Variants in SORL1-AS1 observed in about 807,000 individuals in gnomAD.
SORL1-AS1 encodes the protein lncRNA 51 A.
chr11:121,446,640 ACT>A (rs1342275166), downstream of SORL1-AS1, among the ~76,000 whole-genome samples: 1 of 151,928 alleles, frequency 6.6e-6, no homozygotes, highest in African/African-American at 2.4e-5. Flanking sequence ...AATCCCAGCT[ACT>A]CGGGAGGCTG....
At chr11:121,440,309 G>A in the SORL1-AS1 span, among the ~76,000 whole-genome samples, 3 of 152,232 alleles carry the variant, frequency 2.0e-5, no homozygotes, top group South Asian at 4.1e-4. Flanking sequence ...CGGAGGCGGA[G>A]GTTACGGTGA....
chr11:121,450,956 A>G lies in SORL1-AS1; in HGVS notation n.340-1057T>C, dbSNP rs1205996979. Among the ~76,000 whole-genome samples, 2 of 152,212 alleles carry G rather than the reference A, an allele frequency of 1.3e-5. No homozygotes were observed. The highest frequency in any genetic ancestry group is 1.3e-4 in the Admixed American group (2 of 15,288). ...CAGGTTGTCAGTGGTAGTCCTAGGTAGAGGAGGGGGCTTTGCTAAGCTACC... is the reference window on the plus strand; with the variant it reads ...CAGGTTGTCAGTGGTAGTCCTAGGTGGAGGAGGGGGCTTTGCTAAGCTACC... On this transcript the variant is annotated intron_variant and non_coding_transcript_variant, in intron 1 of 1. Transcript: ENST00000501964. The surrounding 1 kb of genome is among the most constrained non-coding windows in gnomAD (Gnocchi z 5.2).
At chr11:121,444,716 CA>C (rs1860703033), downstream of SORL1-AS1, among the ~76,000 whole-genome samples, 1 of 152,098 alleles carries the variant, frequency 6.6e-6, no homozygotes, top group Admixed American at 6.5e-5. Context: ...GGGAGGCATC[CA>C]AGACAGATGG....
downstream of SORL1-AS1, among the ~76,000 whole-genome samples, chr11:121,444,514 C>A (rs892652813): frequency 6.6e-6 from 1 of 152,204 alleles, no homozygotes; most frequent in Non-Finnish European, 1.5e-5. Flanking sequence ...GGGCTTCTGA[C>A]GTCACGCCTC....
downstream of SORL1-AS1, among the ~76,000 whole-genome samples, chr11:121,442,684 T>C (rs1397554643): frequency 1.4e-5 from 2 of 147,336 alleles, no homozygotes; most frequent in Admixed American, 6.7e-5. Context: ...TTTATTTATT[T>C]ATTTATTTTT....
chr11:121,448,250 T>C (rs1434355648), exon 2 of SORL1-AS1: 1 of 152,268 alleles, frequency 6.6e-6, no homozygotes, highest in Non-Finnish European at 1.5e-5. Context: ...GGATTTAATT[T>C]AATCAAGAGT....
At chr11:121,442,670 TTTATTTATTTATTTATTTA>T (rs1860671251), downstream of SORL1-AS1, among the ~76,000 whole-genome samples, 1 of 136,338 alleles carries the variant, frequency 7.3e-6, no homozygotes, top group Non-Finnish European at 1.5e-5. Flanking sequence ...TATTTATTTA[TTTATTTATTTATTTATTTA>T]TTTTTTTGAG....
Position 121,452,503 on chromosome 11 carries a change from C to G in SORL1-AS1, n.339+172G>C. ...CGTGGTGCAGGGCGACCCGCGCGAG[C>G]TGCGGCTGTGGGCGCGCGGGGATGC... is the stretch of plus-strand genomic sequence containing the variant. On this transcript the variant is annotated intron_variant and non_coding_transcript_variant, in intron 1 of 1. Coordinates refer to ENST00000501964, the Ensembl canonical transcript of SORL1-AS1. This position sits in a 1 kb window ranked among gnomAD's most constrained non-coding sequence, Gnocchi z 5.3. The G allele has an allele frequency of 6.8e-7, 1 of 1,479,968 alleles. No homozygotes were observed. Among genetic ancestry groups the G allele is most frequent in the South Asian group, 1.3e-5 (1 of 77,778 alleles). 91.7% of individuals were successfully genotyped at this position (1,479,968 alleles called of 1,614,324 possible). A position where few individuals can be genotyped will look rare whatever the true frequency, so the allele number is the denominator to read the frequency against.
In SORL1-AS1 at chr11:121,452,610, C is replaced by T. The variant is rs1342550233; in HGVS notation, n.339+65G>A. 8 of 1,496,926 alleles carry T rather than the reference C, an allele frequency of 5.3e-6. No homozygotes were observed. The highest frequency in any genetic ancestry group is 7.1e-6 in the Non-Finnish European group (8 of 1,129,050). 92.7% of individuals were successfully genotyped at this position (1,496,926 alleles called of 1,614,324 possible). On this transcript the variant is annotated intron_variant and non_coding_transcript_variant, in intron 1 of 1. Coordinates refer to ENST00000501964, the Ensembl canonical transcript of SORL1-AS1. This position sits in a 1 kb window ranked among gnomAD's most constrained non-coding sequence, Gnocchi z 5.3. Reference sequence around the variant, plus strand: ...TGCAGCCCGAGCCCATCAAGGTGTACGGACAGGTGAGCAGTTTTGCAACCC... The same window carrying T: ...TGCAGCCCGAGCCCATCAAGGTGTATGGACAGGTGAGCAGTTTTGCAACCC...
At chr11:121,445,014 A>G (rs1450777881), downstream of SORL1-AS1, among the ~76,000 whole-genome samples, 2 of 152,200 alleles carry the variant, frequency 1.3e-5, no homozygotes. Context: ...GTCTGTTGGT[A>G]TGATCCAAAC....
In SORL1-AS1 at chr11:121,452,566, A is replaced by C; in HGVS notation, n.339+109T>G. The C allele has an allele frequency of 6.6e-7, 1 of 1,518,444 alleles. No individual in the cohort carries two copies. Among genetic ancestry groups the C allele is most frequent in the Non-Finnish European group, 8.8e-7 (1 of 1,140,774 alleles). 94.1% of individuals were successfully genotyped at this position (1,518,444 alleles called of 1,614,324 possible). Reference sequence around the variant, plus strand: ...CCGCGCGGACGAGAAGCCGCTCCGGAGGAAACGGAGCGCTGCCCTGCAGCC... The same window carrying C: ...CCGCGCGGACGAGAAGCCGCTCCGGCGGAAACGGAGCGCTGCCCTGCAGCC... On this transcript the variant is annotated intron_variant and non_coding_transcript_variant, in intron 1 of 1. Transcript: ENST00000501964. This position sits in a 1 kb window ranked among gnomAD's most constrained non-coding sequence, Gnocchi z 5.3.
chr11:121,438,794 G>A, the SORL1-AS1 span, among the ~76,000 whole-genome samples: 3 of 152,290 alleles, frequency 2.0e-5, no homozygotes, highest in South Asian at 6.2e-4. Flanking sequence ...TTGGGAGGCC[G>A]AGGCAGGCGG....
chr11:121,452,421 C>T lies in SORL1-AS1; in HGVS notation n.339+254G>A. The T allele has an allele frequency of 6.6e-7, 1 of 1,519,194 alleles. No homozygotes were observed. 94.1% of individuals were successfully genotyped at this position (1,519,194 alleles called of 1,614,324 possible). On this transcript the variant is annotated intron_variant and non_coding_transcript_variant, in intron 1 of 1. Coordinates refer to ENST00000501964, the Ensembl canonical transcript of SORL1-AS1. The surrounding 1 kb of genome is among the most constrained non-coding windows in gnomAD (Gnocchi z 5.3). The stretch of plus-strand genomic sequence containing the variant: ...TGCCGCCCGGAGCTCTCTGCGAAGT[C>T]TGGACGCAGAGGCTGCACGGCGGCA...
chr11:121,442,400 C>T (rs540839936), downstream of SORL1-AS1, among the ~76,000 whole-genome samples: 75 of 152,172 alleles, frequency 4.9e-4, no homozygotes, highest in African/African-American at 1.7e-3. Context: ...TTTGGAAAGC[C>T]GAGGTGGGTG....
downstream of SORL1-AS1, among the ~76,000 whole-genome samples, chr11:121,443,130 C>A (rs1023786714): frequency 2.5e-4 from 38 of 152,094 alleles, no homozygotes; most frequent in Non-Finnish European, 1.6e-4. Flanking sequence ...TAATGACAGC[C>A]CGTTTCTAAT....
At chr11:121,447,327 T>C (rs1231148519), downstream of SORL1-AS1, 4 of 153,944 alleles carry the variant, frequency 2.6e-5, no homozygotes, top group Non-Finnish European at 4.3e-5. Context: ...TTTTTTTTTT[T>C]TTTGAGACAG....
chr11:121,447,528 G>C (rs1355736415), exon 2 of SORL1-AS1: 1 of 152,012 alleles, frequency 6.6e-6, no homozygotes, highest in Non-Finnish European at 1.5e-5. Flanking sequence ...GCCCAGGCTG[G>C]TCTTGAACTC....
rs556756459 is a variant in SORL1-AS1 at position 121,452,532 on chromosome 11, G to C, written n.339+143C>G. 2.7e-4 allele frequency: 407 copies of C among 1,488,326 alleles called. No homozygotes were observed. The highest frequency in any genetic ancestry group is 3.2e-4 in the Non-Finnish European group (359 of 1,124,636). 92.2% of individuals were successfully genotyped at this position (1,488,326 alleles called of 1,614,324 possible). ...GGCTGTGGGCGCGCGGGGATGCCAG[G>C]GGGGCGAGCCGCGCGGACGAGAAGC... On this transcript the variant is annotated intron_variant and non_coding_transcript_variant, in intron 1 of 1. Coordinates refer to ENST00000501964, the Ensembl canonical transcript of SORL1-AS1. This position sits in a 1 kb window ranked among gnomAD's most constrained non-coding sequence, Gnocchi z 5.3.
In SORL1-AS1 at chr11:121,452,336, C is replaced by A. The variant is rs1241508891; in HGVS notation, n.339+339G>T. ...TGCAGTAGCGTTCGCCCGAACATGGCGACACGGAGCAGCAGGAGGGAGTCG... is the reference window on the plus strand; with the variant it reads ...TGCAGTAGCGTTCGCCCGAACATGGAGACACGGAGCAGCAGGAGGGAGTCG... On this transcript the variant is annotated intron_variant and non_coding_transcript_variant, in intron 1 of 1. Coordinates refer to ENST00000501964, the Ensembl canonical transcript of SORL1-AS1. This position sits in a 1 kb window ranked among gnomAD's most constrained non-coding sequence, Gnocchi z 5.3. 5.2e-6 allele frequency: 8 copies of A among 1,541,712 alleles called. No homozygotes were observed. The highest frequency in any genetic ancestry group is 7.0e-6 in the Non-Finnish European group (8 of 1,148,794).
Sources: gnomAD v4.1 joint callset for allele counts (sites outside exome capture counted in the v4.1 genomes callset) on GRCh38, gnomAD v4.1.1 for gene constraint, Gnocchi (gnomAD v3.1) non-coding constraint, MANE v1.5 for transcripts, NCBI Gene and HGNC (gene_info 2026-07-23, HGNC 2026-07-21) for gene names.